The following SPATA16 variants were observed in gnomAD, a reference collection of about 807,000 sequenced individuals.
The protein encoded by SPATA16 is spermatogenesis-associated protein 16.
Under a neutral mutation model 63.3 loss-of-function variants are expected in SPATA16, and 36 were observed. The ratio of observed to expected loss-of-function variants is 0.57; its 90% CI spans 0.44 to 0.75. SPATA16 has a LOEUF of 0.75. Ranked by LOEUF, SPATA16 falls within the 30% of genes least tolerant of loss-of-function variation. The pLI, the probability that SPATA16 is intolerant of heterozygous loss-of-function variation, is 0.00. For synonymous variants in SPATA16, 203 were observed against 216.7 expected, an observed-to-expected ratio of 0.94 and a Z score of 0.56; for missense variants, 646 against 679.3, an observed-to-expected ratio of 0.95 and a Z score of 0.54.
rs1287339545 is a variant in SPATA16, at chr3:173,100,705, C to CAGAGAG, written c.612+16414_612+16415insCTCTCT. On this transcript the variant is annotated intron_variant, in intron 2 of 10. Coordinates refer to ENST00000351008, the MANE Select transcript of SPATA16 (RefSeq NM_031955.6). Reference sequence around the variant, plus strand: ...ACACACACACACACACACACACACACACAGAGTAAATTCTTGTTTATCAAT... The same window carrying CAGAGAG: ...ACACACACACACACACACACACACACAGAGAGACAGAGTAAATTCTTGTTTATCAAT... 2.1e-3 allele frequency among the ~76,000 whole-genome samples: 296 copies of CAGAGAG among 137,702 alleles called. 5 individuals carry two copies. Among genetic ancestry groups the CAGAGAG allele is most frequent in the African/African-American group, 7.9e-3 (287 of 36,224 alleles). The allele number at this position is 137,702 out of a possible 152,430, so 90.3% of individuals were successfully genotyped here. A position where few individuals can be genotyped will look rare whatever the true frequency, so the allele number is the denominator to read the frequency against.
intron 6 of SPATA16, 72 bp downstream of exon 6, chr3:172,956,605 C>T (rs1733600924): frequency 1.3e-6 from 2 of 1,523,068 alleles, no homozygotes; most frequent in Non-Finnish European, 1.8e-6. Flanking sequence ...AACTAATAAA[C>T]CAGAAAGAAC....
chr3:173,060,149 C>T (rs1277173027), intron 2 of SPATA16, among the ~76,000 whole-genome samples: 15 of 151,856 alleles, frequency 9.9e-5, no homozygotes, highest in African/African-American at 3.1e-4. Context: ...CTCAGCTACT[C>T]GGGAGGCTGA....
intron 4 of SPATA16, among the ~76,000 whole-genome samples, chr3:172,997,938 G>A (rs1186472080): frequency 6.6e-6 from 1 of 152,104 alleles, no homozygotes; most frequent in Non-Finnish European, 1.5e-5. Context: ...CTTGATTACT[G>A]TAGCTTTATA....
At position 172,913,651 on chromosome 3, in the gene SPATA16, A is replaced by G; in HGVS notation, c.1587+10T>C. 6.2e-7 allele frequency: 1 copy of G among 1,612,754 alleles called. No homozygotes were observed. Among genetic ancestry groups the G allele is most frequent in the Non-Finnish European group, 8.5e-7 (1 of 1,178,994 alleles). ...ATAATAGATCTTTTTCCTTCAGCTCAAAGTTTTACCTTTTGGATCATATTC... is the reference window on the plus strand; with the variant it reads ...ATAATAGATCTTTTTCCTTCAGCTCGAAGTTTTACCTTTTGGATCATATTC... On this transcript the variant is annotated intron_variant, in intron 10 of 10. Transcript: ENST00000351008.
At chr3:172,985,286 A>G (rs1365641923) in intron 4 of SPATA16, among the ~76,000 whole-genome samples, 5 of 152,240 alleles carry the variant, frequency 3.3e-5, no homozygotes, top group Non-Finnish European at 7.3e-5. Flanking sequence ...TTGAAGAGGA[A>G]TGGATAAATA....
At chr3:172,984,079 A>G (rs1203574715) in intron 4 of SPATA16, among the ~76,000 whole-genome samples, 2 of 152,234 alleles carry the variant, frequency 1.3e-5, no homozygotes, top group South Asian at 2.1e-4. Context: ...GTGCTGTCCA[A>G]TATGGGAACA....
At chr3:173,034,889 G>A (rs1365792754) in intron 3 of SPATA16, among the ~76,000 whole-genome samples, 1 of 152,068 alleles carries the variant, frequency 6.6e-6, no homozygotes, top group Admixed American at 6.6e-5. Flanking sequence ...TGTATTAATG[G>A]TTTTTCTTTG....
intron 6 of SPATA16, among the ~76,000 whole-genome samples, chr3:172,948,767 A>T (rs1467505134): frequency 6.6e-6 from 1 of 152,154 alleles, no homozygotes; most frequent in Admixed American, 6.6e-5. Context: ...ACGCCTAGCC[A>T]AACTGAGGGA....
At chr3:173,053,664 T>C (rs1383778443) in intron 2 of SPATA16, among the ~76,000 whole-genome samples, 1 of 152,170 alleles carries the variant, frequency 6.6e-6, no homozygotes, top group Non-Finnish European at 1.5e-5. Context: ...TTAATATTGC[T>C]GATAGTTTCT....
intron 10 of SPATA16, among the ~76,000 whole-genome samples, chr3:172,893,561 G>A (rs73175053): frequency 0.06 from 9,211 of 152,274 alleles, 431 homozygotes; most frequent in Admixed American, 0.11. Context: ...ACTTTGCTAT[G>A]GCAGCCCTAG....
In SPATA16 at chr3:173,107,441, ATCTC is replaced by A. The variant is rs1273373950; in HGVS notation, c.612+9675_612+9678del. 3.8e-4 allele frequency among the ~76,000 whole-genome samples: 56 copies of A among 147,798 alleles called. 1 individual carries two copies. In the Middle Eastern group the frequency reaches 0.014, roughly 38 times the overall value. On this transcript the variant is annotated intron_variant, in intron 2 of 10. Transcript: ENST00000351008. ...GGGAACCACACTGAGTGTGATGAAAATCTCTCTCTCTCTATTTTTTTTTTTTTTT... is the reference window on the plus strand; with the variant it reads ...GGGAACCACACTGAGTGTGATGAAAATCTCTCTCTATTTTTTTTTTTTTTT...
intron 4 of SPATA16, among the ~76,000 whole-genome samples, chr3:173,011,573 T>C (rs1735075306): frequency 6.6e-6 from 1 of 152,108 alleles, no homozygotes; most frequent in Admixed American, 6.5e-5. Context: ...GTATGCCAGC[T>C]CTTATTCAAC....
At chr3:172,919,382 G>A (rs1252194756) in intron 8 of SPATA16, among the ~76,000 whole-genome samples, 2 of 152,194 alleles carry the variant, frequency 1.3e-5, no homozygotes, top group Non-Finnish European at 2.9e-5. Flanking sequence ...GAAGTCACCA[G>A]CAAGGTTGTA....
intron 2 of SPATA16, among the ~76,000 whole-genome samples, chr3:173,080,481 T>C (rs1186664027): frequency 6.6e-6 from 1 of 152,138 alleles, no homozygotes; most frequent in East Asian, 1.9e-4. Context: ...TGGTTGTTCT[T>C]TGTGAGACAG....
intron 4 of SPATA16, among the ~76,000 whole-genome samples, chr3:172,992,010 A>G (rs1362934861): frequency 6.6e-6 from 1 of 152,184 alleles, no homozygotes; most frequent in Non-Finnish European, 1.5e-5. Context: ...TTGAATTTAC[A>G]GGGTAGTCTC....
chr3:172,964,440 T>C (rs191400192), intron 5 of SPATA16, among the ~76,000 whole-genome samples: 3 of 152,318 alleles, frequency 2.0e-5, no homozygotes, highest in African/African-American at 4.8e-5. Flanking sequence ...CCATACTCTT[T>C]AGGATGCCAC....
chr3:173,070,448 A>G (rs1480720040), intron 2 of SPATA16, among the ~76,000 whole-genome samples: 1 of 151,992 alleles, frequency 6.6e-6, no homozygotes, highest in Non-Finnish European at 1.5e-5. Flanking sequence ...TCAACATAGT[A>G]CTAGAAGCCC....
intron 10 of SPATA16, among the ~76,000 whole-genome samples, chr3:172,905,322 C>T (rs12629644): frequency 0.098 from 14,842 of 152,106 alleles, 835 homozygotes; most frequent in African/African-American, 0.15. Flanking sequence ...GCTGAATCTT[C>T]GAAAAGACAG....
At chr3:173,055,846 G>A (rs1251017313) in intron 2 of SPATA16, among the ~76,000 whole-genome samples, 1 of 152,084 alleles carries the variant, frequency 6.6e-6, no homozygotes, top group Non-Finnish European at 1.5e-5. Flanking sequence ...CTGCATAAAC[G>A]GTACATGAGA....
Sources: gnomAD v4.1 joint callset for allele counts (sites outside exome capture counted in the v4.1 genomes callset) on GRCh38, gnomAD v4.1.1 for gene constraint, MANE v1.5 for transcripts, NCBI Gene and HGNC (gene_info 2026-07-23, HGNC 2026-07-21) for gene names.